The following LPP variants were observed in gnomAD, a reference collection of about 807,000 sequenced individuals.
LPP encodes the protein LIM domain containing preferred translocation partner in lipoma, also known as lipoma-preferred partner.
Under a neutral mutation model 60.4 loss-of-function variants are expected in LPP, and 38 were observed. That is an observed-to-expected ratio of 0.63 (90% CI 0.49 to 0.83). The LOEUF is 0.83. LPP is among the 40% of genes least tolerant of loss of function. The pLI is 0.00. For missense variants in LPP, 902 were observed against 783.6 expected (o/e 1.15, Z -1.80); for synonymous variants, 328 against 290.8 (o/e 1.13, Z -1.30).
intron 7 of LPP, among the ~76,000 whole-genome samples, chr3:188,701,439 G>A (rs553001566): frequency 1.1e-4 from 16 of 152,244 alleles, no homozygotes; most frequent in African/African-American, 3.4e-4. Context: ...AGAATATAAA[G>A]CATTCAATTT....
intron 1 of LPP, among the ~76,000 whole-genome samples, chr3:188,185,757 G>A (rs1333955723): frequency 6.6e-6 from 1 of 152,156 alleles, no homozygotes; most frequent in Non-Finnish European, 1.5e-5. Flanking sequence ...CTTCCCTTCT[G>A]TCGTTCTCTC....
chr3:188,399,972 C>T (rs943695581), intron 3 of LPP, among the ~76,000 whole-genome samples: 1 of 152,178 alleles, frequency 6.6e-6, no homozygotes, highest in Non-Finnish European at 1.5e-5. Flanking sequence ...TGTCAGTTTG[C>T]CTATGGCACT....
At chr3:188,245,919 C>T (rs1027019798) in intron 2 of LPP, among the ~76,000 whole-genome samples, 1 of 152,108 alleles carries the variant, frequency 6.6e-6, no homozygotes, top group Non-Finnish European at 1.5e-5. Context: ...TCTGTGAATG[C>T]TTTTTATTTT....
intron 8 of LPP, among the ~76,000 whole-genome samples, chr3:188,717,880 C>T (rs980071024): frequency 1.1e-4 from 16 of 151,650 alleles, no homozygotes; most frequent in African/African-American, 2.4e-4. Flanking sequence ...TGCAATGGTG[C>T]GATCTCGGTG....
intron 8 of LPP, among the ~76,000 whole-genome samples, chr3:188,717,435 G>C (rs948394765): frequency 6.6e-6 from 1 of 152,212 alleles, no homozygotes; most frequent in Non-Finnish European, 1.5e-5. Flanking sequence ...ACTGGGAAAT[G>C]ACTCCAGGTA....
intron 6 of LPP, among the ~76,000 whole-genome samples, chr3:188,592,049 AAC>A (rs1189379039): frequency 6.6e-6 from 1 of 152,184 alleles, no homozygotes; most frequent in Non-Finnish European, 1.5e-5. Flanking sequence ...TTTTAACAGA[AAC>A]AAACTACTTT....
intron 8 of LPP, among the ~76,000 whole-genome samples, chr3:188,757,552 C>T (rs1248679030): frequency 1.3e-5 from 2 of 152,158 alleles, no homozygotes; most frequent in Non-Finnish European, 2.9e-5. Flanking sequence ...TTAATGAGAA[C>T]TACTTTTTTA....
chr3:188,676,316 T>C (rs967999890), intron 7 of LPP, among the ~76,000 whole-genome samples: 2 of 152,102 alleles, frequency 1.3e-5, no homozygotes, highest in African/African-American at 2.4e-5. Context: ...AGCCAGCGGG[T>C]ACAAGCTGTC....
intron 1 of LPP, among the ~76,000 whole-genome samples, chr3:188,223,079 A>G (rs1193250021): frequency 2.0e-5 from 3 of 152,064 alleles, no homozygotes. Context: ...CTCAAGGCCA[A>G]CTCCATCATT....
intron 1 of LPP, among the ~76,000 whole-genome samples, chr3:188,168,665 A>G (rs1156268217): frequency 6.6e-6 from 1 of 152,222 alleles, no homozygotes; most frequent in Non-Finnish European, 1.5e-5. Flanking sequence ...ATATTTCCCT[A>G]TCAAATAAAA....
rs78293423 is a variant in LPP at position 188,460,112 on chromosome 3, A to G, written c.194-24480A>G. ...ATGACAAAAATTTTGGAGAAAAACA[A>G]CAGCCTTATTGATTTACAGACATCT... On this transcript the variant is annotated intron_variant, in intron 4 of 11. Transcript: ENST00000617246. Among the ~76,000 whole-genome samples the G allele has an allele frequency of 2.7e-3, 410 of 152,320 alleles. 3 individuals carry two copies. The highest frequency in any genetic ancestry group is 9.4e-3 in the African/African-American group (392 of 41,576).
chr3:188,823,600 C>G (rs1203578134), intron 9 of LPP, among the ~76,000 whole-genome samples: 1 of 152,118 alleles, frequency 6.6e-6, no homozygotes, highest in Non-Finnish European at 1.5e-5. Context: ...CTTCAAAATA[C>G]TTTTGCATTT....
intron 7 of LPP, among the ~76,000 whole-genome samples, chr3:188,660,389 G>A (rs6773165): frequency 0.98 from 149,626 of 152,342 alleles, 73,528 homozygotes; most frequent in East Asian, 1. Flanking sequence ...TACATGCTTT[G>A]AGGTGTGTGT....
At chr3:188,429,528 C>T (rs1217732389) in intron 4 of LPP, among the ~76,000 whole-genome samples, 1 of 152,146 alleles carries the variant, frequency 6.6e-6, no homozygotes, top group Non-Finnish European at 1.5e-5. Context: ...TATGCATCAT[C>T]CATTTTACTT....
intron 7 of LPP, among the ~76,000 whole-genome samples, chr3:188,675,524 A>G (rs1857854372): frequency 6.6e-6 from 1 of 152,214 alleles, no homozygotes; most frequent in Non-Finnish European, 1.5e-5. Context: ...TATATGAAGG[A>G]CAACACATCA....
At chr3:188,581,474 C>G (rs2150984717) in intron 6 of LPP, among the ~76,000 whole-genome samples, 1 of 152,206 alleles carries the variant, frequency 6.6e-6, no homozygotes, top group African/African-American at 2.4e-5. Flanking sequence ...TTATATTCTG[C>G]TTGAAGGTTA....
intron 9 of LPP, among the ~76,000 whole-genome samples, chr3:188,822,083 A>G (rs573919581): frequency 1.3e-5 from 2 of 152,232 alleles, no homozygotes; most frequent in South Asian, 4.1e-4. Flanking sequence ...GGATGTAATA[A>G]TATACTGTCA....
At chr3:188,533,894 A>G (rs1419030521) in intron 6 of LPP, among the ~76,000 whole-genome samples, 2 of 152,222 alleles carry the variant, frequency 1.3e-5, no homozygotes, top group Non-Finnish European at 2.9e-5. Context: ...AATAACATTT[A>G]TACCTCATCA....
At chr3:188,355,360 T>A (rs1404505073) in intron 3 of LPP, among the ~76,000 whole-genome samples, 1 of 152,044 alleles carries the variant, frequency 6.6e-6, no homozygotes, top group Non-Finnish European at 1.5e-5. Flanking sequence ...TGAACTCAGG[T>A]GTAGTAAGGT....
Sources: gnomAD v4.1 joint callset for allele counts (sites outside exome capture counted in the v4.1 genomes callset) on GRCh38, gnomAD v4.1.1 for gene constraint, MANE v1.5 for transcripts, NCBI Gene and HGNC (gene_info 2026-07-23, HGNC 2026-07-21) for gene names.